Variants in TAB3 observed in about 807,000 individuals in gnomAD.
TAB3 encodes the protein TGF-beta-activated kinase 1 and MAP3K7-binding protein 3.
TAB3 carries 18 observed loss-of-function variants against 48.1 expected under a neutral mutation model. The ratio of observed to expected loss-of-function variants is 0.37; its 90% CI spans 0.26 to 0.55. The LOEUF is 0.55. Among genes scored for constraint, TAB3 ranks in the 20% least tolerant of loss-of-function variants. The probability of loss-of-function intolerance (pLI) is 0.78; values close to 1 mark genes in which losing one functional copy is unlikely to be tolerated. For missense variants in TAB3, 414 were observed against 549.8 expected (o/e 0.75, Z 2.47); for synonymous variants, 185 against 190.2 (o/e 0.97, Z 0.22).
chrX:30,858,786 CT>C (rs765309391), intron 5 of TAB3, among the ~76,000 whole-genome samples: 1 of 111,880 alleles, frequency 8.9e-6, no homozygotes, highest in Non-Finnish European at 1.9e-5. Flanking sequence ...GCCAACTTCT[CT>C]GTTTGTTGTC....
chrX:30,888,012 T>C (rs1465303471), intron 1 of TAB3, among the ~76,000 whole-genome samples: 28 of 112,085 alleles, frequency 2.5e-4, no homozygotes, highest in Non-Finnish European at 5.6e-5. Context: ...AAACACACCA[T>C]CACAAAACTT....
At chrX:30,834,423 T>C (rs373300291) in intron 9 of TAB3, among the ~76,000 whole-genome samples, 7 of 112,188 alleles carry the variant, frequency 6.2e-5, no homozygotes, top group Non-Finnish European at 1.3e-4. Context: ...TGTTTTCTAC[T>C]TTTTAATGGA....
At chrX:30,865,365 C>A (rs766485271) in intron 4 of TAB3, among the ~76,000 whole-genome samples, 34 of 112,063 alleles carry the variant, frequency 3.0e-4, no homozygotes, top group Non-Finnish European at 4.9e-4. Context: ...TTTAGGATTG[C>A]AAAATAAAAG....
At chrX:30,841,561 G>A (rs767988970) in intron 9 of TAB3, among the ~76,000 whole-genome samples, 3 of 110,485 alleles carry the variant, frequency 2.7e-5, no homozygotes, top group Non-Finnish European at 3.8e-5. Context: ...CTTAATATAC[G>A]TAGAAAACTA....
intron 4 of TAB3, among the ~76,000 whole-genome samples, chrX:30,866,870 TAAAAAAA>T (rs77868699): frequency 1.3e-5 from 1 of 74,732 alleles, no homozygotes; most frequent in Non-Finnish European, 2.5e-5. Flanking sequence ...AAGGGGTGTT[TAAAAAAA>T]AAAAAAAAAA....
chrX:30,876,845 A>G (rs1939854844), intron 1 of TAB3, among the ~76,000 whole-genome samples: 1 of 111,850 alleles, frequency 8.9e-6, no homozygotes, highest in Admixed American at 9.5e-5. Flanking sequence ...AGTGAACCAA[A>G]AGATAGGTCG....
intron 1 of TAB3, among the ~76,000 whole-genome samples, chrX:30,886,325 T>A (rs1940128091): frequency 1.1e-5 from 1 of 91,547 alleles, no homozygotes; most frequent in Admixed American, 1.2e-4. Context: ...AGTTACATTA[T>A]CATTTGTTGA....
At chrX:30,878,205 T>C (rs1228835892) in intron 1 of TAB3, among the ~76,000 whole-genome samples, 1 of 111,776 alleles carries the variant, frequency 8.9e-6, no homozygotes, top group African/African-American at 3.3e-5. Context: ...TTAAGACACC[T>C]CTTGGCTGGG....
chrX:30,846,116 G>A lies in TAB3; in HGVS notation c.1804+435C>T, dbSNP rs775036258. 4.6e-6 allele frequency: 4 copies of A among 869,087 alleles called. No individual in the cohort carries two copies. In the East Asian group the frequency reaches 2.3e-4, roughly 50 times the overall value. 71.6% of individuals were successfully genotyped at this position (869,087 alleles called of 1,213,427 possible). On this transcript the variant is annotated intron_variant, in intron 8 of 10. Coordinates refer to ENST00000288422, the MANE Select transcript of TAB3 (RefSeq NM_152787.5). ...ACTAAAACTATGATTATAGTTGAAT[G>A]TTTTCACATAACATAACATGAAAAA... is the stretch of plus-strand genomic sequence containing the variant.
intron 9 of TAB3, among the ~76,000 whole-genome samples, chrX:30,840,877 T>TA (rs1424929203): frequency 1.8e-5 from 2 of 111,956 alleles, no homozygotes; most frequent in Non-Finnish European, 3.8e-5. Flanking sequence ...TGCACTCCCT[T>TA]AGACAGGGCA....
chrX:30,858,118 G>C (rs1231688154), intron 5 of TAB3, among the ~76,000 whole-genome samples: 1 of 111,829 alleles, frequency 8.9e-6, no homozygotes, highest in Non-Finnish European at 1.9e-5. Flanking sequence ...GAAAGACTTA[G>C]GACAGTGTAA....
intron 2 of TAB3, among the ~76,000 whole-genome samples, chrX:30,868,914 T>C (rs1939585066): frequency 9.2e-6 from 1 of 108,769 alleles, no homozygotes; most frequent in Non-Finnish European, 1.9e-5. Flanking sequence ...TTTCTTATTT[T>C]TTAATTTCTC....
intron 5 of TAB3, among the ~76,000 whole-genome samples, chrX:30,856,181 A>AT (rs1939065117): frequency 8.9e-6 from 1 of 112,018 alleles, no homozygotes; most frequent in South Asian, 3.7e-4. Context: ...ACGAATCAGT[A>AT]TAAAAAAAGT....
rs757791700 is a variant in TAB3 at position 30,871,733 on chromosome X, A to G, written c.-314T>C. On this transcript the variant is annotated 5_prime_UTR_variant, in exon 2 of 11. Transcript: ENST00000288422. ...TTCAACTGGTGAAAATTCAACTAAG[A>G]TAATTCATCCAGTTTGACACAACAC... 2.5e-4 allele frequency: 28 copies of G among 112,172 alleles called. No homozygotes were observed. The highest frequency in any genetic ancestry group is 3.6e-4 in the Non-Finnish European group (19 of 53,263). The allele number at this position is 112,172 out of a possible 1,213,427, so 9.2% of individuals were successfully genotyped here. A position where few individuals can be genotyped will look rare whatever the true frequency, so the allele number is the denominator to read the frequency against.
intron 2 of TAB3, among the ~76,000 whole-genome samples, chrX:30,869,860 AAAAAGAAATAACAG>A (rs1174598395): frequency 4.4e-5 from 5 of 112,640 alleles, no homozygotes; most frequent in Non-Finnish European, 9.4e-5. Context: ...AGGGGAAAAG[AAAAAGAAATAACAG>A]AAAATATCGA....
chrX:30,859,360 C>CCACACACACACACACACG (rs1939178906), intron 5 of TAB3, 127 bp downstream of exon 5: 1 of 292,175 alleles, frequency 3.4e-6, no homozygotes, highest in Non-Finnish European at 6.0e-6. Context: ...AAATCCTGCT[C>CCACACACACACACACACG]CACACACACA....
At chrX:30,841,525 T>TAAAA (rs367789627) in intron 9 of TAB3, among the ~76,000 whole-genome samples, 5 of 102,023 alleles carry the variant, frequency 4.9e-5, no homozygotes, top group Non-Finnish European at 1.0e-4. Context: ...AACTTATAAA[T>TAAAA]AAAAAAAAAA....
chrX:30,881,358 G>GT (rs1185315700), intron 1 of TAB3, among the ~76,000 whole-genome samples: 71 of 104,019 alleles, frequency 6.8e-4, no homozygotes, highest in African/African-American at 9.0e-4. Flanking sequence ...GAGGTTTTTT[G>GT]TTTTTTTTTT....
chrX:30,831,676 G>C, intron 10 of TAB3, 101 bp from the exon 11 acceptor site: 1 of 935,362 alleles, frequency 1.1e-6, no homozygotes, highest in Non-Finnish European at 1.4e-6. Context: ...AAAATCAAGG[G>C]AGGTAATTGC....
Sources: allele counts gnomAD v4.1 joint callset (sites outside exome capture counted in the v4.1 genomes callset), GRCh38; gene constraint gnomAD v4.1.1; transcripts MANE v1.5; gene names NCBI Gene and HGNC (gene_info 2026-07-23, HGNC 2026-07-21).